PHKB: variants seen among roughly 807,000 people sequenced by gnomAD.
PHKB encodes the protein phosphorylase b kinase regulatory subunit beta.
PHKB carries 122 observed loss-of-function variants against 152.1 expected under a neutral mutation model. That is an observed-to-expected ratio of 0.80 (90% CI 0.69 to 0.93). The LOEUF is 0.93. PHKB is among the 40% of genes least tolerant of loss of function. The pLI is 0.00. For synonymous variants in PHKB, 436 were observed against 464.9 expected (o/e 0.94, Z 0.80); for missense variants, 1,304 against 1,328.4 (o/e 0.98, Z 0.29).
intron 1 of PHKB, among the ~76,000 whole-genome samples, chr16:47,496,342 A>C (rs1240433006): frequency 6.6e-6 from 1 of 150,962 alleles, no homozygotes; most frequent in African/African-American, 2.4e-5. Flanking sequence ...CTCTTTCTTT[A>C]CTTTCTTCTT....
chr16:47,685,600 C>T (rs1973950267), intron 26 of PHKB, among the ~76,000 whole-genome samples: 1 of 152,078 alleles, frequency 6.6e-6, no homozygotes, highest in African/African-American at 2.4e-5. Flanking sequence ...TGGTAATTTA[C>T]TTTCTGTAGA....
chr16:47,680,171 C>T (rs546727905), intron 26 of PHKB, among the ~76,000 whole-genome samples: 64 of 152,250 alleles, frequency 4.2e-4, no homozygotes, highest in African/African-American at 1.5e-3. Context: ...TTCAGTTTGC[C>T]AGTATTTTAT....
intron 13 of PHKB, among the ~76,000 whole-genome samples, chr16:47,599,949 A>G (rs564650496): frequency 9.1e-4 from 139 of 152,300 alleles, no homozygotes; most frequent in African/African-American, 3.2e-3. Context: ...CCAGATACAA[A>G]TTTACTTAAA....
At chr16:47,632,674 C>T (rs1043350152) in intron 14 of PHKB, among the ~76,000 whole-genome samples, 1 of 151,788 alleles carries the variant, frequency 6.6e-6, no homozygotes, top group African/African-American at 2.4e-5. Flanking sequence ...AATTTTTGAG[C>T]CTTATGAATG....
At chr16:47,476,414 G>C in intron 1 of PHKB, among the ~76,000 whole-genome samples, 1 of 151,980 alleles carries the variant, frequency 6.6e-6, no homozygotes. Flanking sequence ...GGCTCAATTA[G>C]TTTGTTATAC....
intron 18 of PHKB, among the ~76,000 whole-genome samples, chr16:47,649,668 G>A (rs1427425218): frequency 6.6e-6 from 1 of 151,924 alleles, no homozygotes; most frequent in African/African-American, 2.4e-5. Context: ...GAAATCTGGA[G>A]CCAGACTGCA....
In PHKB at chr16:47,558,172, G is replaced by A. The variant is rs533865048; in HGVS notation, c.710+10624G>A. The stretch of plus-strand genomic sequence containing the variant: ...CACTGCATGTTCTCACTCATAGGTG[G>A]GACTTGAACAATGAGAACACATGGA... On this transcript the variant is annotated intron_variant, in intron 7 of 30. Coordinates refer to ENST00000323584, the MANE Select transcript of PHKB (RefSeq NM_000293.3). Among the ~76,000 whole-genome samples the A allele has an allele frequency of 2.0e-4, 30 of 147,646 alleles. 2 individuals are homozygous for A. In the South Asian group the frequency reaches 6.1e-3, roughly 30 times the overall value.
chr16:47,632,472 G>T (rs1972844875), intron 14 of PHKB, among the ~76,000 whole-genome samples: 1 of 152,154 alleles, frequency 6.6e-6, no homozygotes, highest in Non-Finnish European at 1.5e-5. Context: ...AGAAAAAGGT[G>T]CTGAGAGTAA....
intron 3 of PHKB, among the ~76,000 whole-genome samples, chr16:47,502,001 G>T (rs1339214873): frequency 6.6e-6 from 1 of 152,128 alleles, no homozygotes; most frequent in African/African-American, 2.4e-5. Flanking sequence ...ATGTGCTAAT[G>T]ATGAATAACT....
intron 6 of PHKB, among the ~76,000 whole-genome samples, chr16:47,528,690 C>CTT (rs369398804): frequency 1.5e-5 from 1 of 67,618 alleles, no homozygotes; most frequent in Non-Finnish European, 3.4e-5. Flanking sequence ...AAATAAAGGA[C>CTT]TTTTTCTTTT....
intron 4 of PHKB, among the ~76,000 whole-genome samples, chr16:47,504,832 G>A (rs1430568156): frequency 1.3e-5 from 2 of 152,244 alleles, no homozygotes; most frequent in African/African-American, 2.4e-5. Context: ...GTGGGATCCC[G>A]AGGCCTCTCC....
intron 1 of PHKB, among the ~76,000 whole-genome samples, chr16:47,466,362 A>G (rs1969669462): frequency 6.6e-6 from 1 of 152,194 alleles, no homozygotes. Context: ...TCATGTGGCC[A>G]CTACAGTTAT....
At chr16:47,477,679 A>G (rs1969892036) in intron 1 of PHKB, among the ~76,000 whole-genome samples, 1 of 152,220 alleles carries the variant, frequency 6.6e-6, no homozygotes, top group African/African-American at 2.4e-5. Context: ...TTTCTATTAA[A>G]CTGTGGACAG....
At chr16:47,681,204 T>C (rs1973847691) in intron 26 of PHKB, among the ~76,000 whole-genome samples, 5 of 152,170 alleles carry the variant, frequency 3.3e-5, no homozygotes, top group Admixed American at 6.5e-5. Flanking sequence ...GTAGTCAGTT[T>C]TGGAATAGGT....
intron 1 of PHKB, among the ~76,000 whole-genome samples, chr16:47,494,957 GT>G (rs1355076611): frequency 3.3e-5 from 5 of 152,008 alleles, no homozygotes; most frequent in African/African-American, 1.2e-4. Flanking sequence ...ATTTTATGTA[GT>G]TACTTTAGAA....
At chr16:47,533,220 C>T (rs1312827027) in intron 6 of PHKB, among the ~76,000 whole-genome samples, 2 of 152,208 alleles carry the variant, frequency 1.3e-5, no homozygotes, top group African/African-American at 4.8e-5. Context: ...GATGCCTGCT[C>T]AGCTCTGGCT....
intron 10 of PHKB, among the ~76,000 whole-genome samples, chr16:47,591,354 G>T (rs192611985): frequency 7.2e-5 from 11 of 152,040 alleles, no homozygotes; most frequent in East Asian, 3.9e-4. Context: ...TTACAAACTG[G>T]CTTACTTCTG....
At chr16:47,535,934 AC>A (rs1344093214) in intron 6 of PHKB, among the ~76,000 whole-genome samples, 2 of 152,236 alleles carry the variant, frequency 1.3e-5, no homozygotes, top group Non-Finnish European at 2.9e-5. Context: ...AAGCAAGGTA[AC>A]AGAAATTAGA....
chr16:47,505,842 G>A (rs946776287), intron 4 of PHKB, among the ~76,000 whole-genome samples: 5 of 151,860 alleles, frequency 3.3e-5, no homozygotes, highest in African/African-American at 1.2e-4. Context: ...AGAGCAGCCT[G>A]GCCAACATGG....
Sources: gnomAD v4.1 joint callset for allele counts (sites outside exome capture counted in the v4.1 genomes callset) on GRCh38, gnomAD v4.1.1 for gene constraint, MANE v1.5 for transcripts, NCBI Gene and HGNC (gene_info 2026-07-23, HGNC 2026-07-21) for gene names.